NKAIN3: variants seen among roughly 807,000 people sequenced by gnomAD.
NKAIN3 encodes the protein sodium/potassium transporting ATPase interacting 3.
A neutral mutation model predicts 30.2 loss-of-function variants in NKAIN3; 25 were observed. That is an observed-to-expected ratio of 0.83 (90% CI 0.60 to 1.16). The LOEUF is 1.16. Ranked by LOEUF, NKAIN3 falls within the 50% of genes most tolerant of loss-of-function variation. The probability of loss-of-function intolerance (pLI) is 0.00; values close to 1 mark genes in which losing one functional copy is unlikely to be tolerated. For missense variants in NKAIN3, 225 were observed against 254.1 expected (o/e 0.89, Z 0.78); for synonymous variants, 91 against 89.6 (o/e 1.02, Z -0.09).
rs550055291 is a variant in NKAIN3, at chr8:62,844,043, C to T, written c.472-74410C>T. Among the ~76,000 whole-genome samples, 8 of 152,232 alleles carry T rather than the reference C, an allele frequency of 5.3e-5. No homozygotes were observed. The East Asian group carries it at 1.5e-3, about 29-fold the overall frequency. ...TAACTAAGAAGTGACTTGAGGCACTCGCAACTTCATTATTAAAGGTTATTT... is the reference window on the plus strand; with the variant it reads ...TAACTAAGAAGTGACTTGAGGCACTTGCAACTTCATTATTAAAGGTTATTT... On this transcript the variant is annotated intron_variant, in intron 4 of 6. Coordinates refer to ENST00000623646, the MANE Select transcript of NKAIN3 (RefSeq NM_001304533.3).
intron 3 of NKAIN3, among the ~76,000 whole-genome samples, chr8:62,709,707 G>C (rs539567806): frequency 1.3e-5 from 2 of 151,772 alleles, no homozygotes; most frequent in South Asian, 2.1e-4. Flanking sequence ...TTTATTTTTT[G>C]TTTCAATTTC....
intron 1 of NKAIN3, among the ~76,000 whole-genome samples, chr8:62,257,006 G>A (rs1378961089): frequency 6.6e-6 from 1 of 151,902 alleles, no homozygotes; most frequent in Non-Finnish European, 1.5e-5. Flanking sequence ...TACTTATGAG[G>A]TAATTTGATG....
intron 4 of NKAIN3, chr8:62,856,081 C>G (rs987996050): frequency 2.8e-6 from 2 of 703,528 alleles, no homozygotes; most frequent in African/African-American, 3.5e-5. Context: ...AGCATCAAAC[C>G]TGGATCATCA....
chr8:62,341,015 C>T (rs2129590959), intron 1 of NKAIN3, among the ~76,000 whole-genome samples: 1 of 152,096 alleles, frequency 6.6e-6, no homozygotes, highest in Non-Finnish European at 1.5e-5. Flanking sequence ...TTTTATTTTT[C>T]CAGAAATTTT....
chr8:62,884,458 T>C (rs561183845), intron 4 of NKAIN3, among the ~76,000 whole-genome samples: 1 of 152,278 alleles, frequency 6.6e-6, no homozygotes, highest in Admixed American at 6.5e-5. Flanking sequence ...GGTTTCTCCA[T>C]GTTGGTCAGG....
chr8:62,376,467 A>G (rs1817087452), intron 1 of NKAIN3, among the ~76,000 whole-genome samples: 1 of 152,164 alleles, frequency 6.6e-6, no homozygotes, highest in Non-Finnish European at 1.5e-5. Flanking sequence ...CTTTTCAAGT[A>G]CTAAAATTCC....
intron 1 of NKAIN3, among the ~76,000 whole-genome samples, chr8:62,512,163 G>A (rs1017896438): frequency 2.0e-5 from 3 of 152,122 alleles, no homozygotes; most frequent in African/African-American, 7.2e-5. Context: ...TGAGGACCTT[G>A]AAGAGTTTTT....
intron 1 of NKAIN3, among the ~76,000 whole-genome samples, chr8:62,340,529 C>T (rs1209230233): frequency 6.6e-6 from 1 of 151,882 alleles, no homozygotes; most frequent in Non-Finnish European, 1.5e-5. Flanking sequence ...CTTTTGAGGC[C>T]CTGCCAATCC....
chr8:62,267,345 T>A (rs1477388972), intron 1 of NKAIN3, among the ~76,000 whole-genome samples: 1 of 152,362 alleles, frequency 6.6e-6, no homozygotes, highest in African/African-American at 2.4e-5. Flanking sequence ...GTTTCCTTTT[T>A]AATAGATTAC....
chr8:62,438,189 G>A (rs1328203964), intron 1 of NKAIN3, among the ~76,000 whole-genome samples: 4 of 152,126 alleles, frequency 2.6e-5, no homozygotes, highest in African/African-American at 7.2e-5. Context: ...CTGCCCTCTC[G>A]TCCCTTCCTA....
intron 4 of NKAIN3, among the ~76,000 whole-genome samples, chr8:62,904,282 C>G (rs1821708902): frequency 6.6e-6 from 1 of 152,156 alleles, no homozygotes; most frequent in Non-Finnish European, 1.5e-5. Context: ...TTATTTCTCT[C>G]TCCCCAGTGA....
chr8:62,464,990 A>G (rs975944838), intron 1 of NKAIN3, among the ~76,000 whole-genome samples: 1 of 152,168 alleles, frequency 6.6e-6, no homozygotes, highest in Non-Finnish European at 1.5e-5. Flanking sequence ...TTCTTATGCT[A>G]TATCCTAAGT....
chr8:62,384,488 C>T (rs1817365893), intron 1 of NKAIN3, among the ~76,000 whole-genome samples: 1 of 152,036 alleles, frequency 6.6e-6, no homozygotes, highest in South Asian at 2.1e-4. Context: ...GCATAACTAA[C>T]TTTTTCTTAA....
In NKAIN3 at chr8:62,304,830, C is replaced by A. The variant is rs1011895866; in HGVS notation, c.54+55703C>A. Among the ~76,000 whole-genome samples, 22 of 150,340 alleles carry A rather than the reference C, an allele frequency of 1.5e-4. 1 individual carries two copies. Among genetic ancestry groups the A allele is most frequent in the African/African-American group, 5.5e-4 (22 of 39,792 alleles). On this transcript the variant is annotated intron_variant, in intron 1 of 6. Coordinates refer to ENST00000623646, the MANE Select transcript of NKAIN3 (RefSeq NM_001304533.3). ...GTGTGTGGACATTCGGCATGACGTT[C>A]ATAGGCCAGCAGAAGCTACTCCATA...
chr8:62,786,393 T>C (rs1281272599), intron 4 of NKAIN3, among the ~76,000 whole-genome samples: 1 of 152,092 alleles, frequency 6.6e-6, no homozygotes. Context: ...TTGAGGATAA[T>C]CAGTACTTTC....
chr8:62,321,314 A>G (rs541951455), intron 1 of NKAIN3, among the ~76,000 whole-genome samples: 1 of 152,150 alleles, frequency 6.6e-6, no homozygotes, highest in East Asian at 1.9e-4. Context: ...TGATCATCTG[A>G]AGCCTTCTCT....
intron 4 of NKAIN3, among the ~76,000 whole-genome samples, chr8:62,877,100 T>C (rs771082516): frequency 8.6e-5 from 13 of 152,008 alleles, no homozygotes; most frequent in African/African-American, 3.1e-4. Context: ...TTCATTGTTG[T>C]AGTGCAGGCC....
chr8:62,293,954 G>A (rs979002843), intron 1 of NKAIN3, among the ~76,000 whole-genome samples: 1 of 152,144 alleles, frequency 6.6e-6, no homozygotes, highest in African/African-American at 2.4e-5. Context: ...CCCTCCCCCA[G>A]CCTCACTGCA....
intron 1 of NKAIN3, among the ~76,000 whole-genome samples, chr8:62,347,493 C>T (rs139994796): frequency 6.6e-6 from 1 of 152,086 alleles, no homozygotes; most frequent in South Asian, 2.1e-4. Context: ...CGTATCTTGA[C>T]TATACAATTA....
Sources: gnomAD v4.1 joint callset for allele counts (sites outside exome capture counted in the v4.1 genomes callset) on GRCh38, gnomAD v4.1.1 for gene constraint, MANE v1.5 for transcripts, NCBI Gene and HGNC (gene_info 2026-07-23, HGNC 2026-07-21) for gene names.